SLC39A9: variants seen among roughly 807,000 people sequenced by gnomAD.
The protein encoded by SLC39A9 is zinc transporter ZIP9.
A neutral mutation model predicts 28.4 loss-of-function variants in SLC39A9; 14 were observed. The observed-to-expected ratio is 0.49, with a 90% CI of 0.33 to 0.77. The LOEUF is 0.77. Among genes scored for constraint, SLC39A9 ranks in the 30% least tolerant of loss-of-function variants. The pLI, the probability that SLC39A9 is intolerant of heterozygous loss-of-function variation, is 0.02. For missense variants in SLC39A9, 283 were observed against 381.1 expected, an observed-to-expected ratio of 0.74 and a Z score of 2.14; for synonymous variants, 119 against 149.6, an observed-to-expected ratio of 0.80 and a Z score of 1.49.
At chr14:69,407,073 A>G (rs1284870834) in intron 1 of SLC39A9, among the ~76,000 whole-genome samples, 2 of 151,838 alleles carry the variant, frequency 1.3e-5, no homozygotes, top group Non-Finnish European at 2.9e-5. Flanking sequence ...GATGATCTGG[A>G]TCTCCTGGCC....
rs2139465388 is a variant in SLC39A9, at chr14:69,460,182, G to A, written c.*1589G>A. ...GGGGAACCAAGACTAGTTTCTTCAG[G>A]GCAGTGGACGTAGTAGTTTGTAAAA... On this transcript the variant is annotated 3_prime_UTR_variant, in exon 7 of 7. Coordinates refer to ENST00000336643, the MANE Select transcript of SLC39A9 (RefSeq NM_018375.5). 1 of 985,712 alleles carries A rather than the reference G, an allele frequency of 1.0e-6. No homozygotes were observed. Among genetic ancestry groups the A allele is most frequent in the South Asian group, 4.7e-5 (1 of 21,260 alleles). The allele number at this position is 985,712 out of a possible 1,614,324, so 61.1% of individuals were successfully genotyped here. A position where few individuals can be genotyped will look rare whatever the true frequency, so the allele number is the denominator to read the frequency against.
intron 1 of SLC39A9, among the ~76,000 whole-genome samples, chr14:69,418,913 G>A (rs968662181): frequency 6.6e-6 from 1 of 151,996 alleles, no homozygotes; most frequent in African/African-American, 2.4e-5. Context: ...TATTAGTCTT[G>A]CTAGCGGTCT....
intron 1 of SLC39A9, among the ~76,000 whole-genome samples, chr14:69,416,971 T>C (rs1883612743): frequency 6.6e-6 from 1 of 152,246 alleles, no homozygotes; most frequent in African/African-American, 2.4e-5. Context: ...AGCTCTTTAG[T>C]TTAATTAGAT....
At chr14:69,404,056 A>G (rs1882784851) in intron 1 of SLC39A9, among the ~76,000 whole-genome samples, 2 of 152,110 alleles carry the variant, frequency 1.3e-5, no homozygotes. Context: ...AAAAACAAAA[A>G]ACAAACAAAC....
chr14:69,424,048 A>G, intron 1 of SLC39A9, 46 bp from the exon 2 acceptor site: 1 of 1,458,386 alleles, frequency 6.9e-7, no homozygotes, highest in South Asian at 1.2e-5. Context: ...ACTTTTTCCC[A>G]TTAATTAATC....
intron 3 of SLC39A9, among the ~76,000 whole-genome samples, chr14:69,449,618 C>G (rs909956625): frequency 6.6e-6 from 1 of 152,058 alleles, no homozygotes; most frequent in Non-Finnish European, 1.5e-5. Flanking sequence ...GAGGAAGACC[C>G]TGTGTCTTAA....
intron 6 of SLC39A9, among the ~76,000 whole-genome samples, chr14:69,458,085 G>A (rs1329877942): frequency 6.6e-6 from 1 of 152,158 alleles, no homozygotes; most frequent in East Asian, 1.9e-4. Context: ...TTTTATTCAT[G>A]AATCATAATG....
At chr14:69,434,432 T>A (rs191532631) in intron 2 of SLC39A9, among the ~76,000 whole-genome samples, 2 of 149,582 alleles carry the variant, frequency 1.3e-5, no homozygotes, top group Middle Eastern at 3.4e-3. Context: ...ACGCCTGTAA[T>A]CCCAGTACTT....
At chr14:69,441,668 A>G (rs1211983157) in intron 2 of SLC39A9, among the ~76,000 whole-genome samples, 5 of 152,118 alleles carry the variant, frequency 3.3e-5, no homozygotes, top group African/African-American at 4.8e-5. Context: ...GATTGCAATT[A>G]TTTTCATTGT....
intron 1 of SLC39A9, among the ~76,000 whole-genome samples, chr14:69,400,471 A>C (rs1882571743): frequency 6.6e-6 from 1 of 152,238 alleles, no homozygotes; most frequent in African/African-American, 2.4e-5. Flanking sequence ...ACAGCGTTCA[A>C]AGATTTAGGG....
At chr14:69,416,485 C>T (rs1000074215) in intron 1 of SLC39A9, among the ~76,000 whole-genome samples, 3 of 152,050 alleles carry the variant, frequency 2.0e-5, no homozygotes, top group Admixed American at 1.3e-4. Flanking sequence ...GGGTATATAC[C>T]CAGTAATGGG....
At chr14:69,454,313 G>A (rs1885752657) in intron 4 of SLC39A9, among the ~76,000 whole-genome samples, 1 of 151,988 alleles carries the variant, frequency 6.6e-6, no homozygotes, top group East Asian at 1.9e-4. Flanking sequence ...CTCTGTTGCC[G>A]AGGCTGGAGT....
chr14:69,408,384 G>A lies in SLC39A9; in HGVS notation c.96+8919G>A, dbSNP rs1285575754. 2.6e-5 allele frequency among the ~76,000 whole-genome samples: 4 copies of A among 152,150 alleles called. No homozygotes were observed. The East Asian group carries it at 7.7e-4, about 29-fold the overall frequency. ...CTTTATGCTTTCTCTTTGATGAAAG[G>A]ACCCTGACTGATAGAGGTAGGTAAT... On this transcript the variant is annotated intron_variant, in intron 1 of 6. Transcript: ENST00000336643.
chr14:69,414,891 T>C (rs551665416), intron 1 of SLC39A9, among the ~76,000 whole-genome samples: 64 of 152,366 alleles, frequency 4.2e-4, no homozygotes, highest in African/African-American at 1.5e-3. Context: ...TATACATTTA[T>C]TCATACAGTA....
chr14:69,426,736 C>A lies in SLC39A9; in HGVS notation c.205+2534C>A, dbSNP rs78984316. ...AGGGCAGGAGAAGGTCAGAAGCCTG[C>A]TGTTGAGGCCTAACACACCCAACAG... On this transcript the variant is annotated intron_variant, in intron 2 of 6. Transcript: ENST00000336643. Among the ~76,000 whole-genome samples, 448 of 152,300 alleles carry A rather than the reference C, an allele frequency of 2.9e-3. 3 individuals are homozygous for A. The highest frequency in any genetic ancestry group is 0.01 in the African/African-American group (436 of 41,558).
At chr14:69,416,542 A>G (rs561591157) in intron 1 of SLC39A9, among the ~76,000 whole-genome samples, 2 of 152,296 alleles carry the variant, frequency 1.3e-5, no homozygotes, top group South Asian at 2.1e-4. Context: ...TTGAGGAATC[A>G]CCACACTGTC....
intron 2 of SLC39A9, among the ~76,000 whole-genome samples, chr14:69,441,471 GA>G (rs1885046548): frequency 6.6e-6 from 1 of 152,120 alleles, no homozygotes; most frequent in Non-Finnish European, 1.5e-5. Context: ...CTGCAGTTCA[GA>G]GTCTCCCAAC....
intron 3 of SLC39A9, among the ~76,000 whole-genome samples, chr14:69,448,864 A>C (rs1885466506): frequency 6.6e-6 from 1 of 151,966 alleles, no homozygotes; most frequent in Admixed American, 6.6e-5. Flanking sequence ...GATGTGTGCA[A>C]CTTACTTTTA....
chr14:69,441,817 G>A, intron 2 of SLC39A9: 3 of 1,188,722 alleles, frequency 2.5e-6, no homozygotes, highest in South Asian at 5.4e-5. Context: ...ATGGTGATTT[G>A]CTTCCACTTC....
Sources: gnomAD v4.1 joint callset for allele counts (sites outside exome capture counted in the v4.1 genomes callset) on GRCh38, gnomAD v4.1.1 for gene constraint, MANE v1.5 for transcripts, NCBI Gene and HGNC (gene_info 2026-07-23, HGNC 2026-07-21) for gene names.